Variants in SLC24A2 observed in about 807,000 individuals in gnomAD.
The protein encoded by SLC24A2 is sodium/potassium/calcium exchanger 2.
In SLC24A2, 36 loss-of-function variants were observed where a neutral mutation model predicts 62.0. The observed-to-expected ratio is 0.58, with a 90% CI of 0.44 to 0.77. The LOEUF (loss-of-function observed/expected upper bound fraction) is 0.77, where lower values mean the gene tolerates loss of function less well. SLC24A2 is among the 30% of genes least tolerant of loss of function. The probability of loss-of-function intolerance (pLI) is 0.00; values close to 1 mark genes in which losing one functional copy is unlikely to be tolerated. For missense variants in SLC24A2, 846 were observed against 817.9 expected (o/e 1.03, Z -0.42); for synonymous variants, 358 against 294.0 (o/e 1.22, Z -2.23).
At chr9:19,518,063 T>C (rs1417432177) in intron 10 of SLC24A2, among the ~76,000 whole-genome samples, 2 of 152,120 alleles carry the variant, frequency 1.3e-5, no homozygotes, top group Non-Finnish European at 2.9e-5. Context: ...ATTAATTCTA[T>C]CGTCAAGAAT....
At chr9:19,678,583 A>C (rs934571386) in intron 2 of SLC24A2, among the ~76,000 whole-genome samples, 1 of 152,238 alleles carries the variant, frequency 6.6e-6, no homozygotes, top group African/African-American at 2.4e-5. Context: ...TCATCCAAAG[A>C]AAATCAGAAG....
the SLC24A2 span, among the ~76,000 whole-genome samples, chr9:20,042,841 G>C: frequency 6.6e-6 from 1 of 152,136 alleles, no homozygotes; most frequent in African/African-American, 2.4e-5. Context: ...GTGGTGGTCT[G>C]TGACCAGTAA....
intron 5 of SLC24A2, among the ~76,000 whole-genome samples, 190 bp from the exon 6 acceptor site, chr9:19,577,212 C>T (rs778848209): frequency 4.6e-5 from 7 of 152,144 alleles, no homozygotes; most frequent in Non-Finnish European, 7.3e-5. Context: ...GCCCAATTCT[C>T]TATTTGAGAA....
chr9:20,194,196 A>C, the SLC24A2 span, among the ~76,000 whole-genome samples: 1 of 152,162 alleles, frequency 6.6e-6, no homozygotes, highest in Non-Finnish European at 1.5e-5. Context: ...TAAGCATGTC[A>C]TGAAAACCAG....
At chr9:20,229,163 C>T in the SLC24A2 span, among the ~76,000 whole-genome samples, 6 of 152,164 alleles carry the variant, frequency 3.9e-5, no homozygotes, top group Non-Finnish European at 8.8e-5. Context: ...CACTTTCCTA[C>T]AGCCTGATGG....
At chr9:19,920,225 T>C in the SLC24A2 span, among the ~76,000 whole-genome samples, 2 of 152,182 alleles carry the variant, frequency 1.3e-5, no homozygotes, top group East Asian at 1.9e-4. Flanking sequence ...TTACCCAGAA[T>C]TGTTTAAAAT....
chr9:19,985,545 A>C, the SLC24A2 span, among the ~76,000 whole-genome samples: 1 of 152,282 alleles, frequency 6.6e-6, no homozygotes, highest in African/African-American at 2.4e-5. Flanking sequence ...TATTGACTTA[A>C]AGCAAATTAA....
At chr9:19,860,995 G>A in the SLC24A2 span, among the ~76,000 whole-genome samples, 1 of 152,172 alleles carries the variant, frequency 6.6e-6, no homozygotes, top group African/African-American at 2.4e-5. Context: ...GACCCACCCA[G>A]GGCCTAGAGG....
At position 19,509,941 on chromosome 9, in the gene SLC24A2, A is replaced by ACTGC. The variant is rs1195603963; in HGVS notation, c.*6211_*6212insGCAG. 2 of 152,166 alleles carry ACTGC rather than the reference A, an allele frequency of 1.3e-5. No individual in the cohort carries two copies. Among genetic ancestry groups the ACTGC allele is most frequent in the Non-Finnish European group, 2.9e-5 (2 of 68,022 alleles). The allele number at this position is 152,166 out of a possible 1,614,324, so 9.4% of individuals were successfully genotyped here. Reference sequence around the variant, plus strand: ...AAATCCTATCCAACCTACCACACAAAAGGATATAAACACACTGCAGTACTG... The same window carrying ACTGC: ...AAATCCTATCCAACCTACCACACAAACTGCAGGATATAAACACACTGCAGTACTG... On this transcript the variant is annotated 3_prime_UTR_variant, in exon 11 of 11. Coordinates refer to ENST00000341998, the MANE Select transcript of SLC24A2 (RefSeq NM_020344.4).
intron 2 of SLC24A2, among the ~76,000 whole-genome samples, chr9:19,680,954 T>C (rs1340019982): frequency 1.3e-5 from 2 of 151,910 alleles, no homozygotes; most frequent in Admixed American, 6.6e-5. Context: ...ATAAGTGCAA[T>C]AGCCTCTGGC....
chr9:20,226,182 G>C, the SLC24A2 span, among the ~76,000 whole-genome samples: 1 of 152,108 alleles, frequency 6.6e-6, no homozygotes, highest in Admixed American at 6.6e-5. Flanking sequence ...TTGAGGAAAA[G>C]ATAGTCTTCT....
At chr9:20,051,292 T>G in the SLC24A2 span, among the ~76,000 whole-genome samples, 8 of 152,312 alleles carry the variant, frequency 5.3e-5, no homozygotes, top group African/African-American at 1.9e-4. Context: ...TTAAATCATA[T>G]TAAATATTTA....
In SLC24A2 at chr9:19,742,021, C is replaced by T. The variant is rs1049310688; in HGVS notation, c.930+43916G>A. 1.2e-4 allele frequency among the ~76,000 whole-genome samples: 18 copies of T among 152,182 alleles called. 1 individual carries two copies. Among genetic ancestry groups the T allele is most frequent in the Admixed American group, 6.5e-5 (1 of 15,274 alleles). Reference sequence around the variant, plus strand: ...AAAGTATATCTGAGCATAAGCCACACATCTCTCACAGGTTCACACTATTTC... The same window carrying T: ...AAAGTATATCTGAGCATAAGCCACATATCTCTCACAGGTTCACACTATTTC... On this transcript the variant is annotated intron_variant, in intron 2 of 10. Transcript: ENST00000341998.
the SLC24A2 span, among the ~76,000 whole-genome samples, chr9:20,287,140 A>AC: frequency 6.6e-6 from 1 of 152,204 alleles, no homozygotes; most frequent in Non-Finnish European, 1.5e-5. Context: ...CCAAACCTGT[A>AC]TAAATAAGCA....
chr9:20,244,967 T>C, the SLC24A2 span, among the ~76,000 whole-genome samples: 1 of 152,202 alleles, frequency 6.6e-6, no homozygotes, highest in Non-Finnish European at 1.5e-5. Context: ...AACCTTTCAA[T>C]GAGTTAGTGC....
the SLC24A2 span, among the ~76,000 whole-genome samples, chr9:20,000,986 T>G: frequency 6.6e-6 from 1 of 152,216 alleles, no homozygotes; most frequent in South Asian, 2.1e-4. Flanking sequence ...AATATTATCT[T>G]GGTATCCAAG....
chr9:19,680,646 A>G (rs1470583833), intron 2 of SLC24A2, among the ~76,000 whole-genome samples: 1 of 151,524 alleles, frequency 6.6e-6, no homozygotes, highest in Non-Finnish European at 1.5e-5. Context: ...ATGAAAGTAT[A>G]TATTTCATTT....
the SLC24A2 span, among the ~76,000 whole-genome samples, chr9:20,097,389 A>T: frequency 6.6e-6 from 1 of 152,200 alleles, no homozygotes; most frequent in African/African-American, 2.4e-5. Flanking sequence ...TGAGTTATCT[A>T]ACAAATTTAG....
chr9:20,115,477 T>G, the SLC24A2 span, among the ~76,000 whole-genome samples: 1 of 152,054 alleles, frequency 6.6e-6, no homozygotes, highest in Non-Finnish European at 1.5e-5. Context: ...CCAAGTCACC[T>G]CCAATTTCCT....
Sources: gnomAD v4.1 joint callset for allele counts (sites outside exome capture counted in the v4.1 genomes callset) on GRCh38, gnomAD v4.1.1 for gene constraint, MANE v1.5 for transcripts, NCBI Gene and HGNC (gene_info 2026-07-23, HGNC 2026-07-21) for gene names.